SLIT3: variants seen among roughly 807,000 people sequenced by gnomAD.
SLIT3 encodes slit guidance ligand 3.
Under a neutral mutation model 184.0 loss-of-function variants are expected in SLIT3, and 68 were observed. That is an observed-to-expected ratio of 0.37 (90% CI 0.30 to 0.45). The LOEUF (loss-of-function observed/expected upper bound fraction) is 0.45. Ranked by LOEUF, SLIT3 falls within the 20% of genes least tolerant of loss-of-function variation. The pLI is 1.00. For synonymous variants in SLIT3, 831 were observed against 828.6 expected (o/e 1.00, Z -0.05); for missense variants, 1,707 against 2,026.0 (o/e 0.84, Z 3.02).
intron 3 of SLIT3, among the ~76,000 whole-genome samples, chr5:169,225,184 T>A (rs1295780911): frequency 6.6e-6 from 1 of 152,188 alleles, no homozygotes; most frequent in Non-Finnish European, 1.5e-5. Context: ...GCCAAGGCTC[T>A]ACAAGAAGTG....
intron 4 of SLIT3, among the ~76,000 whole-genome samples, chr5:168,890,692 G>A (rs1760421874): frequency 6.6e-6 from 1 of 152,176 alleles, no homozygotes; most frequent in Non-Finnish European, 1.5e-5. Context: ...AGTGGTAGAA[G>A]AATAGATGAA....
At chr5:168,746,987 GA>G (rs1754490254) in intron 20 of SLIT3, among the ~76,000 whole-genome samples, 4 of 140,756 alleles carry the variant, frequency 2.8e-5, no homozygotes, top group African/African-American at 1.1e-4. Flanking sequence ...TGGTGGTGTG[GA>G]TGTGTGGTGT....
At chr5:169,105,165 T>C (rs1004668134) in intron 4 of SLIT3, among the ~76,000 whole-genome samples, 5 of 152,180 alleles carry the variant, frequency 3.3e-5, no homozygotes, top group Non-Finnish European at 7.3e-5. Flanking sequence ...TCATGGCTCG[T>C]GGGTTCAGGG....
chr5:169,167,566 G>A (rs1046689493), intron 4 of SLIT3, among the ~76,000 whole-genome samples: 8 of 151,924 alleles, frequency 5.3e-5, no homozygotes, highest in African/African-American at 1.7e-4. Flanking sequence ...TTGAGCCACC[G>A]CGCCCGGCCT....
chr5:168,945,392 C>A (rs1307554017), intron 4 of SLIT3, among the ~76,000 whole-genome samples: 3 of 152,118 alleles, frequency 2.0e-5, no homozygotes, highest in Non-Finnish European at 4.4e-5. Context: ...CATGTGCCAC[C>A]ATGCCTGGCT....
At chr5:168,958,921 T>C (rs1322809635) in intron 4 of SLIT3, among the ~76,000 whole-genome samples, 2 of 152,272 alleles carry the variant, frequency 1.3e-5, no homozygotes, top group African/African-American at 4.8e-5. Context: ...GTACCCCTTT[T>C]ACTTCCACCT....
At chr5:168,919,283 A>T (rs1262516550) in intron 4 of SLIT3, among the ~76,000 whole-genome samples, 1 of 151,678 alleles carries the variant, frequency 6.6e-6, no homozygotes, top group Non-Finnish European at 1.5e-5. Context: ...AAAGAAACAT[A>T]GGATATATAC....
chr5:168,675,011 C>G (rs1761363791), intron 32 of SLIT3, among the ~76,000 whole-genome samples: 1 of 152,186 alleles, frequency 6.6e-6, no homozygotes, highest in Non-Finnish European at 1.5e-5. Flanking sequence ...GGTCACCCAG[C>G]TAGTACAGGC....
At chr5:169,150,828 A>G (rs1762089443) in intron 4 of SLIT3, among the ~76,000 whole-genome samples, 1 of 152,184 alleles carries the variant, frequency 6.6e-6, no homozygotes, top group African/African-American at 2.4e-5. Context: ...ATCACCCTGT[A>G]AATTACCTGC....
intron 1 of SLIT3, among the ~76,000 whole-genome samples, chr5:169,293,474 T>C (rs1322938537): frequency 1.3e-5 from 2 of 152,014 alleles, no homozygotes; most frequent in African/African-American, 2.4e-5. Context: ...AGCTTCATCC[T>C]GATCATGCTC....
intron 4 of SLIT3, among the ~76,000 whole-genome samples, chr5:169,163,487 C>T (rs1482655298): frequency 1.3e-5 from 2 of 152,136 alleles, no homozygotes; most frequent in Admixed American, 6.5e-5. Context: ...CTGAGCCAGG[C>T]TCTGTTTAAT....
At chr5:169,237,736 C>T (rs1426939632) in intron 3 of SLIT3, among the ~76,000 whole-genome samples, 1 of 152,058 alleles carries the variant, frequency 6.6e-6, no homozygotes, top group South Asian at 2.1e-4. Context: ...ATCTTTTGTC[C>T]ATTTCTTTCC....
chr5:168,951,338 C>G (rs564997717), intron 4 of SLIT3, among the ~76,000 whole-genome samples: 1 of 152,156 alleles, frequency 6.6e-6, no homozygotes, highest in Admixed American at 6.5e-5. Flanking sequence ...GAATATTATA[C>G]ATAAGGTTCT....
intron 4 of SLIT3, among the ~76,000 whole-genome samples, chr5:168,884,229 C>T (rs139847360): frequency 0.039 from 5,936 of 151,572 alleles, 169 homozygotes; most frequent in Middle Eastern, 0.075. Context: ...ACCGACCCAT[C>T]AGGCCTCCAG....
At chr5:169,107,633 G>T (rs928377940) in intron 4 of SLIT3, among the ~76,000 whole-genome samples, 2 of 152,216 alleles carry the variant, frequency 1.3e-5, no homozygotes, top group Admixed American at 6.5e-5. Context: ...ATCACAGGGA[G>T]CCTGGGAATG....
At chr5:169,062,050 G>C (rs1393955765) in intron 4 of SLIT3, among the ~76,000 whole-genome samples, 2 of 152,084 alleles carry the variant, frequency 1.3e-5, no homozygotes, top group Non-Finnish European at 2.9e-5. Context: ...CGGGCGTGGT[G>C]GTGGGTGCCT....
At chr5:169,246,210 C>G (rs1158884959) in intron 2 of SLIT3, among the ~76,000 whole-genome samples, 3 of 152,206 alleles carry the variant, frequency 2.0e-5, no homozygotes, top group Non-Finnish European at 2.9e-5. Context: ...AGAAGTAGAA[C>G]TGGTCAGGCG....
At chr5:169,114,833 A>T (rs1255015128) in intron 4 of SLIT3, among the ~76,000 whole-genome samples, 1 of 152,222 alleles carries the variant, frequency 6.6e-6, no homozygotes, top group Non-Finnish European at 1.5e-5. Flanking sequence ...ACCCACTGAC[A>T]TTATAGCTGG....
At chr5:168,907,984 A>AGT (rs1364137008) in intron 4 of SLIT3, among the ~76,000 whole-genome samples, 2 of 123,800 alleles carry the variant, frequency 1.6e-5, no homozygotes, top group African/African-American at 5.6e-5. Context: ...ATATATAGAG[A>AGT]GAGAGAGAGA....
Sources: allele counts gnomAD v4.1 joint callset (sites outside exome capture counted in the v4.1 genomes callset), GRCh38; gene constraint gnomAD v4.1.1; transcripts MANE v1.5; gene names NCBI Gene and HGNC (gene_info 2026-07-23, HGNC 2026-07-21).